EIF2D: variants seen among roughly 807,000 people sequenced by gnomAD.
The protein encoded by EIF2D is eukaryotic translation initiation factor 2D, also known as hepatocellular carcinoma-associated antigen 56.
In EIF2D, 56 loss-of-function variants were observed where a neutral mutation model predicts 77.4. The ratio of observed to expected loss-of-function variants is 0.72; its 90% CI spans 0.58 to 0.90. EIF2D has a LOEUF of 0.90. Ranked by LOEUF, EIF2D falls within the 40% of genes least tolerant of loss-of-function variation. EIF2D has a pLI of 0.00. For synonymous variants in EIF2D, 230 were observed against 271.0 expected (o/e 0.85, Z 1.49); for missense variants, 574 against 706.5 (o/e 0.81, Z 2.13).
rs1669118213 is a variant in EIF2D at position 206,586,530 on chromosome 1, A to G, written c.139-5368T>C. The G allele has an allele frequency of 2.1e-5, 6 of 280,324 alleles. No homozygotes were observed. In the South Asian group the frequency reaches 2.4e-4, roughly 11 times the overall value. The allele number at this position is 280,324 out of a possible 1,614,324, so 17.4% of individuals were successfully genotyped here. On this transcript the variant is annotated intron_variant and NMD_transcript_variant, in intron 2 of 5. Coordinates refer to the EIF2D transcript ENST00000472709. ...TGGGAGGCTGGGTGGTTCCAGCATC[A>G]CTGTCAAGATCTCGGCTGCTACACA... is the stretch of plus-strand genomic sequence containing the variant.
rs538435904 is a variant in EIF2D at position 206,606,440 on chromosome 1, T to C, written c.423-933A>G. 1.1e-3 allele frequency among the ~76,000 whole-genome samples: 163 copies of C among 152,260 alleles called. 3 individuals carry two copies. The South Asian group carries it at 0.016, about 15-fold the overall frequency. On this transcript the variant is annotated intron_variant, in intron 4 of 14. Coordinates refer to ENST00000271764, the MANE Select transcript of EIF2D (RefSeq NM_006893.3). The stretch of plus-strand genomic sequence containing the variant: ...GACTTGTATTTTTAACAACCCCTCA[T>C]ATCATTACCCCCACCACAAACCATC...
At chr1:206,594,012 C>G (rs1669515832) in intron 13 of EIF2D, 2 of 398,946 alleles carry the variant, frequency 5.0e-6, no homozygotes, top group Non-Finnish European at 9.0e-6. Flanking sequence ...TTTAGAGGGA[C>G]AGATACTCTC....
chr1:206,600,378 G>A, intron 7 of EIF2D, 70 bp from the exon 8 acceptor site: 1 of 1,461,788 alleles, frequency 6.8e-7, no homozygotes, highest in Non-Finnish European at 9.5e-7. Flanking sequence ...ACACTGAGAG[G>A]AGGGCCTTTT....
intron 12 of EIF2D, among the ~76,000 whole-genome samples, chr1:206,596,187 T>G (rs1669640446): frequency 6.6e-6 from 1 of 152,236 alleles, no homozygotes; most frequent in African/African-American, 2.4e-5. Context: ...GTCTCAAGAA[T>G]GTGCCTTAAG....
chr1:206,594,390 C>G (rs1043764506), intron 13 of EIF2D: 1 of 152,206 alleles, frequency 6.6e-6, no homozygotes, highest in Non-Finnish European at 1.5e-5. Flanking sequence ...TTCAGCTTCA[C>G]AAATGACAAG....
chr1:206,596,374 C>T (rs1303753829), intron 12 of EIF2D, among the ~76,000 whole-genome samples: 1 of 152,176 alleles, frequency 6.6e-6, no homozygotes, highest in African/African-American at 2.4e-5. Flanking sequence ...TTGCCAGTCA[C>T]CTGGTCTCTT....
At chr1:206,580,121 C>T (rs1434258205) in intron 4 of EIF2D, among the ~76,000 whole-genome samples, 2 of 152,146 alleles carry the variant, frequency 1.3e-5, no homozygotes, top group East Asian at 1.9e-4. Flanking sequence ...TGGCCACTTG[C>T]GTCACTTCCC....
chr1:206,578,605 T>A (rs1668747563), intron 4 of EIF2D, among the ~76,000 whole-genome samples: 1 of 151,948 alleles, frequency 6.6e-6, no homozygotes, highest in Non-Finnish European at 1.5e-5. Flanking sequence ...AGAGTGAGAG[T>A]GAATTTTTTA....
intron 5 of EIF2D, among the ~76,000 whole-genome samples, chr1:206,572,218 A>G (rs1553404313): frequency 6.6e-6 from 1 of 152,180 alleles, no homozygotes; most frequent in African/African-American, 2.4e-5. Context: ...TCTTCAACGC[A>G]TGAAGCCAAT....
chr1:206,582,243 G>A (rs1006137538), intron 2 of EIF2D, among the ~76,000 whole-genome samples: 8 of 152,190 alleles, frequency 5.3e-5, no homozygotes, highest in African/African-American at 1.7e-4. Flanking sequence ...TCTCTACAAG[G>A]TGAGGGCCAT....
At position 206,603,082 on chromosome 1, in the gene EIF2D, A is replaced by T; in HGVS notation, c.653T>A (p.Met218Lys). The change falls in exon 6 of 15, where the codon ATG becomes AAG. Residue 218 changes from methionine (M) to lysine (K), a missense_variant. By Grantham distance (95) the Met-to-Lys change is moderately conservative. Transcript: ENST00000271764. ...ATTCTCCTCTTCCCCCTCCAGGGTC[A>T]TGTGCCTCATGTCTCCCTGCAGGGT... The part of the protein sequence containing the change: ...DSTLQGDMRH[M>K]TLEGEEENGE... 6.2e-7 allele frequency: 1 copy of T among 1,614,152 alleles called. No homozygotes were observed. Among genetic ancestry groups the T allele is most frequent in the Non-Finnish European group, 8.5e-7 (1 of 1,180,028 alleles).
Position 206,611,358 on chromosome 1 carries a change from C to T in EIF2D, c.73G>A (p.Asp25Asn). 6.2e-7 allele frequency: 1 copy of T among 1,613,622 alleles called. No individual in the cohort carries two copies. The highest frequency in any genetic ancestry group is 8.5e-7 in the Non-Finnish European group (1 of 1,179,640). Residue 25 changes from aspartate (D) to asparagine (N), a missense_variant, in exon 2 of 15, where the codon GAT becomes AAT. Coordinates refer to ENST00000271764, the MANE Select transcript of EIF2D (RefSeq NM_006893.3). ...AGGGTGGGGAAAGCAGTTGTCACAT[C>T]AGCTCGAAGCTTTCTCCTGTGGAAA... Reference protein sequence around the residue: ...KGSDRRKLRADVTTAFPTLGT... With the variant: ...KGSDRRKLRANVTTAFPTLGT...
At chr1:206,586,733 GAA>G (rs1455081830), downstream of EIF2D, 47 of 949,686 alleles carry the variant, frequency 4.9e-5, no homozygotes, top group Admixed American at 9.2e-4. Flanking sequence ...TGTGAACTGG[GAA>G]GGGGAAGGCA....
In EIF2D at chr1:206,599,589, T is replaced by G. The variant is rs953670399; in HGVS notation, c.1076A>C (p.Glu359Ala). 6 of 1,600,458 alleles carry G rather than the reference T, an allele frequency of 3.7e-6. No homozygotes were observed. Among genetic ancestry groups the G allele is most frequent in the Non-Finnish European group, 5.1e-6 (6 of 1,173,386 alleles). ...GATAGTCTGGGAGGTCGGGGAGGGC[T>G]CGGGTATGACGAAAGATGTAATCCT... is the stretch of plus-strand genomic sequence containing the variant. ...HPRITSFVIP[E>A]PSPTSQTIQE... is the part of the protein sequence containing the mutation. Residue 359 changes from glutamate (E) to alanine (A), a missense_variant, in exon 10 of 15, where the codon GAG becomes GCG. Coordinates refer to ENST00000271764, the MANE Select transcript of EIF2D (RefSeq NM_006893.3). This position sits in a 1 kb window ranked among gnomAD's most constrained non-coding sequence, Gnocchi z 4.1.
intron 2 of EIF2D, among the ~76,000 whole-genome samples, chr1:206,581,637 GA>G (rs1558522587): frequency 6.6e-6 from 1 of 150,714 alleles, no homozygotes; most frequent in African/African-American, 2.5e-5. Context: ...AGAGAGGGGG[GA>G]GAGAGAGAGA....
At chr1:206,593,151 C>T (rs1458172181) in intron 14 of EIF2D, among the ~76,000 whole-genome samples, 1 of 151,622 alleles carries the variant, frequency 6.6e-6, no homozygotes, top group East Asian at 1.9e-4. Flanking sequence ...AAAAAAGTTT[C>T]GTGCCCAGCT....
Position 206,595,757 on chromosome 1 carries a change from T to G in EIF2D, c.1470A>C (p.Pro490=), listed in dbSNP as rs114677866. 1 of 1,614,248 alleles carries G rather than the reference T, an allele frequency of 6.2e-7. No homozygotes were observed. The highest frequency in any genetic ancestry group is 8.5e-7 in the Non-Finnish European group (1 of 1,180,028). The change falls in exon 13 of 15, where the codon CCA becomes CCC. Residue 490 remains proline, a synonymous_variant. Coordinates refer to ENST00000271764, the MANE Select transcript of EIF2D (RefSeq NM_006893.3). The part of the protein sequence containing the change: ...EPIVKKGRIC[P]IDITLAQRAS... The stretch of plus-strand genomic sequence containing the variant: ...CTCTTTGTGCTAGGGTGATGTCAAT[T>G]GGACAGATTCTCCCTTTCTTCACAA...
chr1:206,585,038 T>C, intron 2 of EIF2D: 1 of 681,828 alleles, frequency 1.5e-6, no homozygotes, highest in Non-Finnish European at 2.6e-6. Context: ...TGTTCATTAC[T>C]GTCATGTTCA....
At chr1:206,603,638 A>G (rs1179843286) in intron 5 of EIF2D, 2 of 166,388 alleles carry the variant, frequency 1.2e-5, no homozygotes, top group African/African-American at 4.8e-5. Flanking sequence ...ACGGCTCAGC[A>G]TATGTAATAA....
Sources: allele counts gnomAD v4.1 joint callset (sites outside exome capture counted in the v4.1 genomes callset), GRCh38; gene constraint gnomAD v4.1.1; non-coding constraint Gnocchi (gnomAD v3.1); transcripts MANE v1.5; gene names NCBI Gene and HGNC (gene_info 2026-07-23, HGNC 2026-07-21).